SCN7A: variants seen among roughly 807,000 people sequenced by gnomAD.
The protein encoded by SCN7A is sodium channel protein type 7 subunit alpha.
In SCN7A, 138 loss-of-function variants were observed where a neutral mutation model predicts 155.2. The ratio of observed to expected loss-of-function variants is 0.89; its 90% CI spans 0.77 to 1.02. SCN7A has a LOEUF of 1.02. Among genes scored for constraint, SCN7A ranks in the 50% least tolerant of loss-of-function variants. The pLI is 0.00. For synonymous variants in SCN7A, 693 were observed against 649.0 expected, an observed-to-expected ratio of 1.07 and a Z score of -1.03; for missense variants, 2,058 against 1,986.6, an observed-to-expected ratio of 1.04 and a Z score of -0.68.
chr2:166,459,323 A>G (rs1702351549), intron 10 of SCN7A, among the ~76,000 whole-genome samples: 1 of 152,142 alleles, frequency 6.6e-6, no homozygotes. Context: ...TTAGTTTGAA[A>G]TAGGGGCTAA....
chr2:166,474,319 C>G lies in SCN7A; in HGVS notation c.260G>C (p.Arg87Thr), dbSNP rs775833592. 2 of 1,515,124 alleles carry G rather than the reference C, an allele frequency of 1.3e-6. No homozygotes were observed. Among genetic ancestry groups the G allele is most frequent in the South Asian group, 2.5e-5 (2 of 80,790 alleles). The allele number at this position is 1,515,124 out of a possible 1,614,324, so 93.9% of individuals were successfully genotyped here. A position where few individuals can be genotyped will look rare whatever the true frequency, so the allele number is the denominator to read the frequency against. Residue 87 changes from arginine to threonine, a missense_variant, in exon 4 of 26, where the codon AGA becomes ACA. Transcript: ENST00000643258. ...KNTFIVLNKN[R>T]TIFRFNAASI... ...AGCCGCATTGAATCTGAAGATTGTT[C>G]TATTTTTATTTAATACTATGAAAGT...
At chr2:166,482,992 T>C (rs1013399650) in intron 2 of SCN7A, among the ~76,000 whole-genome samples, 1 of 152,096 alleles carries the variant, frequency 6.6e-6, no homozygotes, top group African/African-American at 2.4e-5. Flanking sequence ...ATCCATCCAT[T>C]AGACTTCTTT....
At chr2:166,453,407 G>A (rs997040439) in intron 11 of SCN7A, among the ~76,000 whole-genome samples, 5 of 152,086 alleles carry the variant, frequency 3.3e-5, no homozygotes, top group African/African-American at 9.7e-5. Context: ...ATTGCTGACC[G>A]CAATAGTTTG....
Position 166,412,651 on chromosome 2 carries a change from T to C in SCN7A, c.3485A>G (p.His1162Arg). The C allele has an allele frequency of 6.6e-7, 1 of 1,511,296 alleles. No homozygotes were observed. The highest frequency in any genetic ancestry group is 8.8e-7 in the Non-Finnish European group (1 of 1,134,624). 93.6% of individuals were successfully genotyped at this position (1,511,296 alleles called of 1,614,324 possible). The stretch of plus-strand genomic sequence containing the variant: ...ATACATGTAGATGTTGACTTCAAAA[T>C]GAGGCTGTATATTAACCTAGAAGTT... ...IDSVAVNIQP[H>R]FEVNIYMYCY... Residue 1162 changes from histidine to arginine, a missense_variant, in exon 23 of 26, where the codon CAT becomes CGT. Physicochemically the swap from His to Arg is conservative, Grantham distance 29. Coordinates refer to ENST00000643258, the MANE Select transcript of SCN7A (RefSeq NM_002976.4).
intron 10 of SCN7A, 82 bp downstream of exon 10, chr2:166,462,307 A>T (rs946444630): frequency 7.2e-7 from 1 of 1,379,816 alleles, no homozygotes; most frequent in Non-Finnish European, 9.6e-7. Flanking sequence ...AATTTAAAAA[A>T]CTATATTACA....
At chr2:166,466,699 T>C (rs960369949) in intron 7 of SCN7A, among the ~76,000 whole-genome samples, 1 of 152,060 alleles carries the variant, frequency 6.6e-6, no homozygotes, top group Non-Finnish European at 1.5e-5. Flanking sequence ...CTTTTCTTTT[T>C]CACTTGCTCT....
intron 23 of SCN7A, among the ~76,000 whole-genome samples, chr2:166,411,319 T>A (rs928468904): frequency 2.0e-5 from 3 of 152,088 alleles, no homozygotes; most frequent in African/African-American, 7.2e-5. Flanking sequence ...GAATCATCCC[T>A]TTGTCCAGCA....
chr2:166,456,806 AT>A (rs71395230), intron 11 of SCN7A, 63 bp downstream of exon 11: 1 of 36,884 alleles, frequency 2.7e-5, no homozygotes, highest in Non-Finnish European at 5.2e-5. Context: ...AGACTAAAAT[AT>A]ATATATATAT....
At chr2:166,416,674 T>C in intron 21 of SCN7A, 33 bp downstream of exon 21, 1 of 1,534,810 alleles carries the variant, frequency 6.5e-7, no homozygotes, top group Non-Finnish European at 8.8e-7. Context: ...GATGAATATA[T>C]AATTAATAAG....
At chr2:166,418,856 A>G (rs1329243813) in intron 20 of SCN7A, among the ~76,000 whole-genome samples, 1 of 152,222 alleles carries the variant, frequency 6.6e-6, no homozygotes, top group Non-Finnish European at 1.5e-5. Flanking sequence ...TAATTTTGTA[A>G]GCATGTAACT....
intron 11 of SCN7A, among the ~76,000 whole-genome samples, chr2:166,451,395 C>T (rs949516152): frequency 6.6e-6 from 1 of 152,188 alleles, no homozygotes. Flanking sequence ...TGTTACTCAA[C>T]ACCCTTCCTC....
chr2:166,420,428 T>G (rs562525787), intron 20 of SCN7A, among the ~76,000 whole-genome samples: 83 of 152,168 alleles, frequency 5.5e-4, no homozygotes, highest in African/African-American at 1.8e-3. Flanking sequence ...TATTATAAAA[T>G]AAAAGGTACA....
intron 11 of SCN7A, among the ~76,000 whole-genome samples, chr2:166,451,630 T>C (rs1046536843): frequency 2.6e-5 from 4 of 152,216 alleles, no homozygotes; most frequent in African/African-American, 4.8e-5. Context: ...GCAGCCATGC[T>C]GGCCTTTTTA....
At chr2:166,434,179 T>C (rs1246153840) in intron 15 of SCN7A, among the ~76,000 whole-genome samples, 1 of 152,118 alleles carries the variant, frequency 6.6e-6, no homozygotes, top group East Asian at 1.9e-4. Context: ...GACATGCACA[T>C]CTGGGATAAT....
At chr2:166,430,225 C>A (rs1701705814) in intron 16 of SCN7A, among the ~76,000 whole-genome samples, 1 of 151,958 alleles carries the variant, frequency 6.6e-6, no homozygotes. Flanking sequence ...TAGACTTATA[C>A]ACAGTAAGTG....
At chr2:166,409,060 T>C (rs1701138960) in intron 25 of SCN7A, among the ~76,000 whole-genome samples, 1 of 152,038 alleles carries the variant, frequency 6.6e-6, no homozygotes. Flanking sequence ...ATGTACTGTT[T>C]AATTATCTAT....
chr2:166,414,289 CACACATAT>C (rs1701304994), intron 21 of SCN7A, among the ~76,000 whole-genome samples: 1 of 31,106 alleles, frequency 3.2e-5, no homozygotes, highest in African/African-American at 1.2e-4. Flanking sequence ...TATATATACA[CACACATAT>C]ATATATATAT....
chr2:166,482,746 T>G (rs186582074), intron 2 of SCN7A, among the ~76,000 whole-genome samples: 79 of 146,344 alleles, frequency 5.4e-4, no homozygotes, highest in African/African-American at 1.9e-3. Flanking sequence ...CAGCAGGCAT[T>G]GCCTTCTGCG....
intron 1 of SCN7A, among the ~76,000 whole-genome samples, chr2:166,488,346 CTTT>C: frequency 6.6e-6 from 1 of 152,062 alleles, no homozygotes; most frequent in East Asian, 1.9e-4. Flanking sequence ...AAATGCATTG[CTTT>C]TTTTAATTTT....
Sources: allele counts gnomAD v4.1 joint callset (sites outside exome capture counted in the v4.1 genomes callset), GRCh38; gene constraint gnomAD v4.1.1; transcripts MANE v1.5; gene names NCBI Gene and HGNC (gene_info 2026-07-23, HGNC 2026-07-21).